NLRP1: variants seen among roughly 807,000 people sequenced by gnomAD.
NLRP1 encodes NLR family pyrin domain containing 1.
In NLRP1, 94 loss-of-function variants were observed where a neutral mutation model predicts 136.7. The observed-to-expected ratio is 0.69, with a 90% CI of 0.58 to 0.82. The LOEUF (loss-of-function observed/expected upper bound fraction) is 0.82. Ranked by LOEUF, NLRP1 falls within the 40% of genes least tolerant of loss-of-function variation. NLRP1 has a pLI of 0.00. For synonymous variants in NLRP1, 690 were observed against 725.1 expected, an observed-to-expected ratio of 0.95 and a Z score of 0.78; for missense variants, 1,575 against 1,802.7, an observed-to-expected ratio of 0.87 and a Z score of 2.29.
intron 5 of NLRP1, among the ~76,000 whole-genome samples, chr17:5,548,821 C>G (rs1912988715): frequency 6.6e-6 from 1 of 152,194 alleles, no homozygotes. Flanking sequence ...TGACACCTCT[C>G]TCTCCTGGTG....
intron 3 of NLRP1, among the ~76,000 whole-genome samples, chr17:5,567,397 G>C (rs2151813763): frequency 1.3e-5 from 2 of 151,986 alleles, no homozygotes; most frequent in South Asian, 4.1e-4. Context: ...ATTTTAATCT[G>C]ATAACAACAC....
chr17:5,521,074 A>AG, intron 13 of NLRP1, 62 bp from the exon 14 acceptor site: 1 of 1,492,162 alleles, frequency 6.7e-7, no homozygotes, highest in Non-Finnish European at 9.1e-7. Flanking sequence ...TGGTTTGAAT[A>AG]GGGGGGATGG....
intron 16 of NLRP1, 88 bp from the exon 17 acceptor site, chr17:5,515,161 C>T (rs375243475): frequency 4.2e-5 from 52 of 1,241,012 alleles, no homozygotes; most frequent in South Asian, 1.1e-4. Context: ...CTGCATCCCT[C>T]GCTTCCTTCT....
rs201197830 is a variant in NLRP1 at position 5,533,949 on chromosome 17, C to A, written c.3000G>T (p.Thr1000=). Residue 1000 remains threonine, a synonymous_variant, in exon 9 of 17, where the codon ACG becomes ACT. Coordinates refer to ENST00000572272, the MANE Select transcript of NLRP1 (RefSeq NM_033004.4). The part of the protein sequence containing the change: ...SVMTPTEGLD[T]GEMSNSTSSL... ...AGGATGTGCTATTACTCATCTCTCC[C>A]GTATCCAGGCCCTCAGTAGGGGTCA... The A allele has an allele frequency of 6.2e-7, 1 of 1,613,558 alleles. No homozygotes were observed. The highest frequency in any genetic ancestry group is 8.5e-7 in the Non-Finnish European group (1 of 1,179,556).
intron 5 of NLRP1, among the ~76,000 whole-genome samples, chr17:5,546,496 T>C (rs1912676308): frequency 6.6e-6 from 1 of 152,196 alleles, no homozygotes; most frequent in Non-Finnish European, 1.5e-5. Context: ...CCGGCATTCC[T>C]TTTTTGAGCT....
intron 9 of NLRP1, 48 bp downstream of exon 9, chr17:5,533,849 T>C: frequency 7.7e-7 from 1 of 1,293,172 alleles, no homozygotes; most frequent in Non-Finnish European, 1.1e-6. Context: ...ACAGCTGACC[T>C]CCCCCAACCC....
At chr17:5,530,376 CT>C in intron 12 of NLRP1, 104 bp downstream of exon 12, 1 of 1,029,696 alleles carries the variant, frequency 9.7e-7, no homozygotes, top group Non-Finnish European at 1.5e-6. Flanking sequence ...CCCTCGGCCC[CT>C]CTAAGGAAGC....
intron 3 of NLRP1, among the ~76,000 whole-genome samples, chr17:5,566,369 G>T (rs1474764467): frequency 6.6e-6 from 1 of 151,770 alleles, no homozygotes; most frequent in East Asian, 1.9e-4. Context: ...ATGATCATTT[G>T]TTTCAAGAAA....
At chr17:5,579,539 C>A (rs11653896) in intron 3 of NLRP1, among the ~76,000 whole-genome samples, 1 of 152,064 alleles carries the variant, frequency 6.6e-6, no homozygotes, top group African/African-American at 2.4e-5. Flanking sequence ...TCGCGATTTG[C>A]CAAAGAACTC....
rs550988710 is a variant in NLRP1, at chr17:5,561,504, C to T, written c.653-1461G>A. The stretch of plus-strand genomic sequence containing the variant: ...CAGGCCGGACTGCGGACTGCAGTGG[C>T]GCAATCTCAGCTCACTGCAAGCTCC... On this transcript the variant is annotated intron_variant, in intron 3 of 16. Coordinates refer to ENST00000572272, the MANE Select transcript of NLRP1 (RefSeq NM_033004.4). Among the ~76,000 whole-genome samples the T allele has an allele frequency of 3.6e-3, 349 of 96,982 alleles. 96 individuals are homozygous for T. The highest frequency in any genetic ancestry group is 0.014 in the African/African-American group (338 of 24,586). The allele number at this position is 96,982 out of a possible 152,430, so 63.6% of individuals were successfully genotyped here. A position where few individuals can be genotyped will look rare whatever the true frequency, so the allele number is the denominator to read the frequency against.
At chr17:5,560,956 TAGTC>T (rs1914666675) in intron 3 of NLRP1, among the ~76,000 whole-genome samples, 1 of 152,270 alleles carries the variant, frequency 6.6e-6, no homozygotes, top group South Asian at 2.1e-4. Flanking sequence ...GCTCCTATCT[TAGTC>T]AGATTCCAAA....
chr17:5,515,233 G>A (rs1161194722), intron 16 of NLRP1, among the ~76,000 whole-genome samples, 160 bp from the exon 17 acceptor site: 1 of 151,974 alleles, frequency 6.6e-6, no homozygotes, highest in Non-Finnish European at 1.5e-5. Flanking sequence ...TTCTGCCAGA[G>A]TGGGGATCGG....
intron 15 of NLRP1, among the ~76,000 whole-genome samples, chr17:5,508,950 CTAAG>C (rs1010314411): frequency 9.8e-5 from 15 of 152,342 alleles, no homozygotes; most frequent in Admixed American, 8.5e-4. Flanking sequence ...CCAAAAAAAT[CTAAG>C]TAATGGACCC....
At chr17:5,539,705 A>C in intron 6 of NLRP1, 120 bp from the exon 7 acceptor site, 1 of 1,413,716 alleles carries the variant, frequency 7.1e-7, no homozygotes, top group Non-Finnish European at 9.2e-7. Context: ...GATGACATGC[A>C]GAGAAGATAC....
intron 14 of NLRP1, among the ~76,000 whole-genome samples, chr17:5,519,217 T>C (rs1908556645): frequency 6.6e-6 from 1 of 151,964 alleles, no homozygotes; most frequent in Non-Finnish European, 1.5e-5. Flanking sequence ...TTAGCCAGGA[T>C]GGTCTCGATC....
Position 5,530,664 on chromosome 17 carries a change from T to A in NLRP1, c.3337A>T (p.Thr1113Ser), listed in dbSNP as rs1330070805. The change falls in exon 12 of 17, where the codon ACG (threonine) becomes TCG (serine). Residue 1113 changes from threonine to serine, a missense_variant. Thr to Ser is a moderately conservative substitution (Grantham distance 58). Transcript: ENST00000572272. ...PVAGSYRWPNTGLCFVMREAV... is the reference protein window; with the variant it reads ...PVAGSYRWPNSGLCFVMREAV... The stretch of plus-strand genomic sequence containing the variant: ...TCTCTCATCACAAAGCAGAGACCCG[T>A]GTTGGGCCAGCGGTAGGAGCCAGCT... 8 of 1,614,158 alleles carry A rather than the reference T, an allele frequency of 5.0e-6. No individual in the cohort carries two copies. The East Asian group carries it at 1.8e-4, about 36-fold the overall frequency.
chr17:5,528,749 G>A (rs940361980), intron 12 of NLRP1, among the ~76,000 whole-genome samples: 2 of 151,988 alleles, frequency 1.3e-5, no homozygotes, highest in African/African-American at 2.4e-5. Flanking sequence ...AAAATACATT[G>A]AACTACTGGG....
intron 3 of NLRP1, among the ~76,000 whole-genome samples, chr17:5,563,442 G>A (rs1459672504): frequency 6.6e-6 from 1 of 152,226 alleles, no homozygotes; most frequent in Admixed American, 6.5e-5. Flanking sequence ...AAACTGATCT[G>A]ATAGAGCTGG....
intron 12 of NLRP1, among the ~76,000 whole-genome samples, chr17:5,528,400 C>T (rs1456929290): frequency 1.3e-5 from 2 of 152,200 alleles, no homozygotes; most frequent in Non-Finnish European, 2.9e-5. Flanking sequence ...TGCACCTCTT[C>T]CCTCTATTCT....
Sources: allele counts gnomAD v4.1 joint callset (sites outside exome capture counted in the v4.1 genomes callset), GRCh38; gene constraint gnomAD v4.1.1; transcripts MANE v1.5; gene names NCBI Gene and HGNC (gene_info 2026-07-23, HGNC 2026-07-21).